The following GOLGA4 variants were observed in gnomAD, a reference collection of about 807,000 sequenced individuals.
GOLGA4 encodes golgin A4.
GOLGA4 carries 169 observed loss-of-function variants against 265.9 expected under a neutral mutation model. The ratio of observed to expected loss-of-function variants is 0.64; its 90% CI spans 0.56 to 0.72. The LOEUF is 0.72. Among genes scored for constraint, GOLGA4 ranks in the 30% least tolerant of loss-of-function variants. GOLGA4 has a pLI of 0.00. For missense variants in GOLGA4, 2,482 were observed against 2,483.4 expected, an observed-to-expected ratio of 1.00 and a Z score of 0.01; for synonymous variants, 923 against 855.8, an observed-to-expected ratio of 1.08 and a Z score of -1.37.
chr3:37,323,376 A>G (rs746444225), intron 13 of GOLGA4, among the ~76,000 whole-genome samples: 21 of 151,736 alleles, frequency 1.4e-4, no homozygotes, highest in Non-Finnish European at 2.2e-4. Flanking sequence ...TGATCTGCTC[A>G]CCTCGGCCTC....
chr3:37,315,385 C>T (rs747296034), intron 10 of GOLGA4, 35 bp from the exon 11 acceptor site: 1 of 1,546,224 alleles, frequency 6.5e-7, no homozygotes, highest in Non-Finnish European at 8.8e-7. Flanking sequence ...GATAATATTT[C>T]TTGAGATACT....
Position 37,299,334 on chromosome 3 carries a change from A to C in GOLGA4, c.1049A>C (p.Asp350Ala). 6.2e-7 allele frequency: 1 copy of C among 1,613,546 alleles called. No homozygotes were observed. Among genetic ancestry groups the C allele is most frequent in the Admixed American group, 1.7e-5 (1 of 60,006 alleles). Residue 350 changes from aspartate to alanine, a missense_variant, in exon 9 of 24, where the codon GAT becomes GCT. By Grantham distance (126) the Asp-to-Ala change is moderately radical. This residue lies in a region of GOLGA4 where 1,536 missense variants were observed against 1,483.7 expected (regional missense o/e 1.04). Coordinates refer to ENST00000361924, the MANE Select transcript of GOLGA4 (RefSeq NM_002078.5). ...EKTKLITQLRDAKNLIEQLEQ... is the reference protein window; with the variant it reads ...EKTKLITQLRAAKNLIEQLEQ... ...ACTAAACTTATCACTCAGTTGCGTGATGCAAAGAACTTAATTGAACAGCTT... is the reference window on the plus strand; with the variant it reads ...ACTAAACTTATCACTCAGTTGCGTGCTGCAAAGAACTTAATTGAACAGCTT...
intron 2 of GOLGA4, among the ~76,000 whole-genome samples, chr3:37,260,193 G>C (rs1307749280): frequency 1.3e-5 from 2 of 149,060 alleles, no homozygotes; most frequent in Non-Finnish European, 3.0e-5. Flanking sequence ...GTCTCATAAT[G>C]TTTTAAGAAA....
chr3:37,364,710 C>T lies in GOLGA4; in HGVS notation c.*34-1370C>T, dbSNP rs79657531. 9.2e-3 allele frequency among the ~76,000 whole-genome samples: 1,391 copies of T among 151,122 alleles called. 28 individuals are homozygous for T. The highest frequency in any genetic ancestry group is 0.032 in the African/African-American group (1,307 of 41,006). Reference sequence around the variant, plus strand: ...CAAGGAATCCTCCCGCCTCAGCCTTCTGAGTAGCTGGGACCACAGACACAT... The same window carrying T: ...CAAGGAATCCTCCCGCCTCAGCCTTTTGAGTAGCTGGGACCACAGACACAT... On this transcript the variant is annotated intron_variant, in intron 23 of 23. Coordinates refer to ENST00000361924, the MANE Select transcript of GOLGA4 (RefSeq NM_002078.5).
chr3:37,341,134 T>TA (rs879311059), intron 20 of GOLGA4, among the ~76,000 whole-genome samples: 289 of 146,152 alleles, frequency 2.0e-3, no homozygotes, highest in African/African-American at 6.4e-3. Context: ...GCCATTGCAC[T>TA]AAAAAAAAAA....
At position 37,325,557 on chromosome 3, in the gene GOLGA4, C is replaced by T; in HGVS notation, c.3671C>T (p.Thr1224Ile). Residue 1224 changes from threonine to isoleucine, a missense_variant, in exon 14 of 24, where the codon ACC becomes ATC. Coordinates refer to ENST00000361924, the MANE Select transcript of GOLGA4 (RefSeq NM_002078.5). ...CAGCTAGATATTTGCTGTAAGAAAA[C>T]CGAAGCCTTATTAGAAGCTAAAACA... ...AIQLDICCKK[T>I]EALLEAKTNE... 1.2e-6 allele frequency: 2 copies of T among 1,613,472 alleles called. No individual in the cohort carries two copies. Among genetic ancestry groups the T allele is most frequent in the Non-Finnish European group, 1.7e-6 (2 of 1,179,618 alleles).
rs893109493 is a variant in GOLGA4 at position 37,333,728 on chromosome 3, G to A, written c.6193-1325G>A. Among the ~76,000 whole-genome samples, 5 of 152,220 alleles carry A rather than the reference G, an allele frequency of 3.3e-5. No individual in the cohort carries two copies. In the East Asian group the frequency reaches 9.6e-4, roughly 29 times the overall value. Reference sequence around the variant, plus strand: ...TTAGAGGTGGAGGCCAAATTCACGTGTGCCTCGGTGGGAAGATATCTAAGA... The same window carrying A: ...TTAGAGGTGGAGGCCAAATTCACGTATGCCTCGGTGGGAAGATATCTAAGA... On this transcript the variant is annotated intron_variant, in intron 16 of 23. Coordinates refer to ENST00000361924, the MANE Select transcript of GOLGA4 (RefSeq NM_002078.5).
chr3:37,287,066 C>T (rs551084691), intron 4 of GOLGA4, among the ~76,000 whole-genome samples: 14 of 152,152 alleles, frequency 9.2e-5, no homozygotes, highest in Admixed American at 1.3e-4. Context: ...GTTGGCCAGG[C>T]GTGGTGGCTC....
chr3:37,340,347 A>T (rs2097029209), intron 20 of GOLGA4, 148 bp downstream of exon 20: 1 of 466,982 alleles, frequency 2.1e-6, no homozygotes, highest in South Asian at 4.5e-5. Context: ...ACAAATGCAT[A>T]TATGTATAGT....
At chr3:37,362,185 G>A (rs990088610) in intron 23 of GOLGA4, among the ~76,000 whole-genome samples, 4 of 150,292 alleles carry the variant, frequency 2.7e-5, no homozygotes, top group Non-Finnish European at 3.0e-5. Context: ...ACATTTCTCC[G>A]TTCTTTTAAG....
rs547344725 is a variant in GOLGA4 at position 37,354,290 on chromosome 3, C to T, written c.6577-811C>T. Among the ~76,000 whole-genome samples, 270 of 152,148 alleles carry T rather than the reference C, an allele frequency of 1.8e-3. 1 individual carries two copies. The highest frequency in any genetic ancestry group is 2.6e-3 in the Admixed American group (39 of 15,266). On this transcript the variant is annotated intron_variant, in intron 21 of 23. Transcript: ENST00000361924. ...GTTTTCTGGGCTACCCTCCCATCCA[C>T]GGTAGGAATCTTTAGAATACTACCA...
chr3:37,347,435 A>G (rs1459131941), intron 21 of GOLGA4, 139 bp downstream of exon 21: 2 of 508,494 alleles, frequency 3.9e-6, no homozygotes, highest in Admixed American at 3.7e-5. Flanking sequence ...TAATTATTTT[A>G]TTGCTCTTAG....
Position 37,328,945 on chromosome 3 carries a change from T to A in GOLGA4, c.6062-18T>A, listed in dbSNP as rs563436530. The A allele has an allele frequency of 7.7e-6, 12 of 1,561,724 alleles. No homozygotes were observed. The highest frequency in any genetic ancestry group is 1.0e-5 in the Non-Finnish European group (12 of 1,159,510). ...TGACTAATGTGTTTTCTTGTGTGTG[T>A]TCATTTTTATTTATTAGATAAGGCC... is the stretch of plus-strand genomic sequence containing the variant. On this transcript the variant is annotated intron_variant, in intron 15 of 23. Transcript: ENST00000361924.
intron 2 of GOLGA4, chr3:37,273,417 A>G (rs2096804258): frequency 1.8e-5 from 11 of 617,076 alleles, no homozygotes; most frequent in South Asian, 3.9e-5. Context: ...AACAATTACT[A>G]ATTTTGTTTA....
At position 37,327,330 on chromosome 3, in the gene GOLGA4, A is replaced by G; in HGVS notation, c.5444A>G (p.His1815Arg). 1 of 1,613,976 alleles carries G rather than the reference A, an allele frequency of 6.2e-7. No individual in the cohort carries two copies. The highest frequency in any genetic ancestry group is 1.1e-5 in the South Asian group (1 of 91,066). ...NKKYSLIVAQ[H>R]VEKEGGKNNI... ...AAATATTCCTTGATAGTAGCCCAGC[A>G]TGTGGAAAAAGAAGGAGGTAAAAAT... is the stretch of plus-strand genomic sequence containing the variant. The change falls in exon 14 of 24, where the codon CAT becomes CGT. Residue 1815 changes from histidine to arginine, a missense_variant. Transcript: ENST00000361924.
rs767624219 is a variant in GOLGA4, at chr3:37,323,701, T to C, written c.1815T>C (p.Ile605=). 6.2e-7 allele frequency: 1 copy of C among 1,613,610 alleles called. No individual in the cohort carries two copies. The highest frequency in any genetic ancestry group is 1.1e-5 in the South Asian group (1 of 90,898). The change falls in exon 14 of 24, where the codon ATT becomes ATC. Residue 605 remains isoleucine, a synonymous_variant. Transcript: ENST00000361924. ...EAEKNKHNKE[I]TVMVEKHKTE... ...AAAAAAATAAGCACAATAAGGAGAT[T>C]ACAGTCATGGTTGAAAAACACAAGA... is the stretch of plus-strand genomic sequence containing the variant.
intron 8 of GOLGA4, 105 bp downstream of exon 8, chr3:37,299,125 C>A: frequency 9.3e-7 from 1 of 1,072,366 alleles, no homozygotes; most frequent in Non-Finnish European, 1.4e-6. Context: ...ATGGAAAGGG[C>A]ATTTTTGTTT....
chr3:37,325,303 A>G lies in GOLGA4; in HGVS notation c.3417A>G (p.Leu1139=), dbSNP rs2150964756. 8 of 1,613,780 alleles carry G rather than the reference A, an allele frequency of 5.0e-6. No homozygotes were observed. The highest frequency in any genetic ancestry group is 5.1e-6 in the Non-Finnish European group (6 of 1,179,782). Reference sequence around the variant, plus strand: ...AACTGAAAGCTCATCTTGAAAAGCTAGAGGTTGACTTGAATAAGTCTCTGA... The same window carrying G: ...AACTGAAAGCTCATCTTGAAAAGCTGGAGGTTGACTTGAATAAGTCTCTGA... The part of the protein sequence containing the change: ...ETKLKAHLEK[L]EVDLNKSLKE... The change falls in exon 14 of 24, where the codon CTA becomes CTG. Residue 1139 remains leucine (L), a synonymous_variant. Transcript: ENST00000361924.
intron 5 of GOLGA4, among the ~76,000 whole-genome samples, chr3:37,294,734 T>G (rs929686291): frequency 6.6e-6 from 1 of 152,186 alleles, no homozygotes; most frequent in African/African-American, 2.4e-5. Context: ...AGTGCAGCCA[T>G]CATTACAGCT....
Sources: gnomAD v4.1 joint callset for allele counts (sites outside exome capture counted in the v4.1 genomes callset) on GRCh38, gnomAD v4.1.1 for gene constraint, gnomAD v4.1.1 regional missense constraint, MANE v1.5 for transcripts, NCBI Gene and HGNC (gene_info 2026-07-23, HGNC 2026-07-21) for gene names.